The following MYO7A variants were observed in gnomAD, a reference collection of about 807,000 sequenced individuals.
MYO7A encodes unconventional myosin-VIIa.
In MYO7A, 210 loss-of-function variants were observed where a neutral mutation model predicts 263.8. That is an observed-to-expected ratio of 0.80 (90% CI 0.71 to 0.89). MYO7A has a LOEUF of 0.89. Ranked by LOEUF, MYO7A falls within the 40% of genes least tolerant of loss-of-function variation. The pLI is 0.00. For synonymous variants in MYO7A, 1,239 were observed against 1,197.3 expected (o/e 1.03, Z -0.72); for missense variants, 2,820 against 2,968.3 (o/e 0.95, Z 1.16).
At chr11:77,179,156 C>A (rs797031002) in intron 20 of MYO7A, 27 bp downstream of exon 20, 3 of 1,563,310 alleles carry the variant, frequency 1.9e-6, no homozygotes, top group African/African-American at 2.7e-5. Context: ...GCTGCTCTTG[C>A]CCAAACAGGC....
At chr11:77,167,237 G>C (rs1447318157) in intron 15 of MYO7A, among the ~76,000 whole-genome samples, 1 of 152,152 alleles carries the variant, frequency 6.6e-6, no homozygotes. Context: ...GAGGGGCAAG[G>C]CTTGCCCAGG....
Position 77,214,619 on chromosome 11 carries a change from GA to G in MYO7A, c.6572del (p.Asp2191ValfsTer4), listed in dbSNP as rs758228360. 1.9e-6 allele frequency: 3 copies of G among 1,582,276 alleles called. No individual in the cohort carries two copies. The South Asian group carries it at 3.5e-5, about 18-fold the overall frequency. ...CCCCTGCTTCCAGGGCTACAAGATG[GA>G]TGACCTCCTGACTTCCTACATTAGC... ...LCETSLGYKM[D>X]DLLTSYISQM... On this transcript the variant is annotated frameshift_variant, in exon 49 of 49. Transcript: ENST00000409709. LOFTEE classifies it high-confidence loss of function.
Position 77,184,492 on chromosome 11 carries a change from T to A in MYO7A, c.3376-96T>A. 3 of 1,055,268 alleles carry A rather than the reference T, an allele frequency of 2.8e-6. No homozygotes were observed. The South Asian group carries it at 4.4e-5, about 15-fold the overall frequency. 65.4% of individuals were successfully genotyped at this position (1,055,268 alleles called of 1,614,324 possible). On this transcript the variant is annotated intron_variant, in intron 26 of 48. Coordinates refer to ENST00000409709, the MANE Select transcript of MYO7A (RefSeq NM_000260.4). ...GTTCTTCTGCTCACTCCTTAGATTCTGTTTTCTGGGGAGCAGGCAGCCTCG... is the reference window on the plus strand; with the variant it reads ...GTTCTTCTGCTCACTCCTTAGATTCAGTTTTCTGGGGAGCAGGCAGCCTCG...
At chr11:77,137,462 G>T (rs868927363) in intron 2 of MYO7A, among the ~76,000 whole-genome samples, 3 of 152,302 alleles carry the variant, frequency 2.0e-5, no homozygotes, top group Middle Eastern at 6.8e-3. Flanking sequence ...GAAAAGAGAA[G>T]AGGAAGAAAA....
chr11:77,169,989 C>T (rs889509792), intron 15 of MYO7A, among the ~76,000 whole-genome samples: 1 of 152,078 alleles, frequency 6.6e-6, no homozygotes, highest in African/African-American at 2.4e-5. Flanking sequence ...GACAGGAGGC[C>T]GAGTCTGGGA....
intron 14 of MYO7A, 68 bp downstream of exon 14, chr11:77,163,056 G>C: frequency 6.5e-7 from 1 of 1,537,246 alleles, no homozygotes; most frequent in Non-Finnish European, 8.9e-7. Context: ...TCCAGCCCAG[G>C]AATAAGATAT....
chr11:77,211,187 C>T lies in MYO7A; in HGVS notation c.6087C>T (p.Cys2029=), dbSNP rs1435889821. 6.3e-7 allele frequency: 1 copy of T among 1,592,530 alleles called. No individual in the cohort carries two copies. The highest frequency in any genetic ancestry group is 2.3e-5 in the East Asian group (1 of 43,898). ...LPKYLRGYHK[C]TREEVLQLGA... ...AGTATCTCCGAGGCTACCACAAGTG[C>T]ACGCGGGAGGAGGTGCTGCAGCTGG... is the stretch of plus-strand genomic sequence containing the variant. Residue 2029 remains cysteine (C), a synonymous_variant, in exon 45 of 49, where the codon TGC becomes TGT. Coordinates refer to ENST00000409709, the MANE Select transcript of MYO7A (RefSeq NM_000260.4).
chr11:77,158,110 A>G (rs1952667295), intron 8 of MYO7A, among the ~76,000 whole-genome samples, 167 bp from the exon 9 acceptor site: 1 of 151,958 alleles, frequency 6.6e-6, no homozygotes, highest in Admixed American at 6.5e-5. Flanking sequence ...GACCCTCCAG[A>G]CTTTCTGGAG....
At chr11:77,200,270 TA>T (rs796169706) in intron 35 of MYO7A, among the ~76,000 whole-genome samples, 4,096 of 142,108 alleles carry the variant, frequency 0.029, 104 homozygotes, top group African/African-American at 0.07. Context: ...CCTCCTCTCT[TA>T]AAAAAAAAAA....
At chr11:77,213,757 A>G (rs973609718) in intron 47 of MYO7A, 103 bp from the exon 48 acceptor site, 10 of 1,540,522 alleles carry the variant, frequency 6.5e-6, no homozygotes, top group South Asian at 5.7e-5. Flanking sequence ...CCCTCCGGCC[A>G]TGGGCTCCTC....
At chr11:77,199,324 C>G (rs552479259) in intron 34 of MYO7A, among the ~76,000 whole-genome samples, 2 of 152,220 alleles carry the variant, frequency 1.3e-5, no homozygotes, top group East Asian at 3.9e-4. Flanking sequence ...GGAGGACTTC[C>G]TGGAGGAAGT....
chr11:77,160,987 G>A lies in MYO7A; in HGVS notation c.1215G>A (p.Arg405=). The part of the protein sequence containing the change: ...RDAFVKGIYG[R]LFVWIVDKIN... The stretch of plus-strand genomic sequence containing the variant: ...CTGCCTTTCAGGGGATCTACGGGCG[G>A]CTGTTCGTGTGGATTGTGGACAAGA... The change falls in exon 12 of 49, where the codon CGG becomes CGA. Residue 405 remains arginine, a synonymous_variant. Coordinates refer to ENST00000409709, the MANE Select transcript of MYO7A (RefSeq NM_000260.4). 6.2e-7 allele frequency: 1 copy of A among 1,606,560 alleles called. No individual in the cohort carries two copies. The highest frequency in any genetic ancestry group is 8.5e-7 in the Non-Finnish European group (1 of 1,176,832).
chr11:77,201,516 G>A lies in MYO7A; in HGVS notation c.4921G>A (p.Glu1641Lys), dbSNP rs767975012. Residue 1641 changes from glutamate (E) to lysine (K), a missense_variant, in exon 36 of 49, where the codon GAG becomes AAG. Coordinates refer to ENST00000409709, the MANE Select transcript of MYO7A (RefSeq NM_000260.4). ...DLIILDHDTG[E>K]QVMNSGWANG... ...CATCATCCTGGACCATGACACGGGC[G>A]AGCAGGTCATGAACTCGGGCTGGGC... The A allele has an allele frequency of 3.9e-5, 63 of 1,613,848 alleles. No individual in the cohort carries two copies. The highest frequency in any genetic ancestry group is 2.2e-4 in the East Asian group (10 of 44,884).
intron 15 of MYO7A, among the ~76,000 whole-genome samples, chr11:77,168,852 G>T (rs1555074251): frequency 6.6e-6 from 1 of 152,180 alleles, no homozygotes; most frequent in Non-Finnish European, 1.5e-5. Flanking sequence ...GGTGCTCACT[G>T]AGGTCACATA....
intron 37 of MYO7A, among the ~76,000 whole-genome samples, chr11:77,202,780 G>A (rs906939093): frequency 1.1e-4 from 16 of 151,552 alleles, no homozygotes; most frequent in Non-Finnish European, 2.2e-4. Flanking sequence ...TGATGGAGGC[G>A]TTGTGCACTG....
chr11:77,206,342 G>C, intron 41 of MYO7A, 140 bp downstream of exon 41: 1 of 667,322 alleles, frequency 1.5e-6, no homozygotes, highest in Non-Finnish European at 2.5e-6. Flanking sequence ...TGGAGTCGGG[G>C]CTCAGGACGA....
At chr11:77,168,639 T>A (rs1953791674) in intron 15 of MYO7A, among the ~76,000 whole-genome samples, 1 of 152,034 alleles carries the variant, frequency 6.6e-6, no homozygotes, top group South Asian at 2.1e-4. Flanking sequence ...TACAAAAAAA[T>A]TTAAAATTAG....
chr11:77,188,547 G>A (rs782369943), intron 27 of MYO7A, among the ~76,000 whole-genome samples: 6 of 150,864 alleles, frequency 4.0e-5, no homozygotes, highest in Admixed American at 1.3e-4. Context: ...ACACTGCATC[G>A]TCATGTGTCC....
Position 77,206,134 on chromosome 11 carries a change from G to T in MYO7A, c.5674G>T (p.Val1892Leu). ...GAAGTACCCTCCGCACCTGGTGGAG[G>T]TGGAGGCCATCCAGCACAAGACCAC... ...SRKYPPHLVE[V>L]EAIQHKTTQI... The change falls in exon 41 of 49, where the codon GTG (valine) becomes TTG (leucine). Residue 1892 changes from valine to leucine, a missense_variant. Coordinates refer to ENST00000409709, the MANE Select transcript of MYO7A (RefSeq NM_000260.4). 1 of 1,613,504 alleles carries T rather than the reference G, an allele frequency of 6.2e-7. No individual in the cohort carries two copies. Among genetic ancestry groups the T allele is most frequent in the East Asian group, 2.2e-5 (1 of 44,846 alleles).
Sources: gnomAD v4.1 joint callset for allele counts (sites outside exome capture counted in the v4.1 genomes callset) on GRCh38, gnomAD v4.1.1 for gene constraint, MANE v1.5 for transcripts, NCBI Gene and HGNC (gene_info 2026-07-23, HGNC 2026-07-21) for gene names.